SYNPR: variants seen among roughly 807,000 people sequenced by gnomAD.
SYNPR encodes the protein synaptoporin.
In SYNPR, 23 loss-of-function variants were observed where a neutral mutation model predicts 32.9. That is an observed-to-expected ratio of 0.70 (90% CI 0.50 to 0.99). The LOEUF (loss-of-function observed/expected upper bound fraction) is 0.99, where lower values mean the gene tolerates loss of function less well. Ranked by LOEUF, SYNPR falls within the 50% of genes least tolerant of loss-of-function variation. The probability of loss-of-function intolerance (pLI) is 0.00; values close to 1 mark genes in which losing one functional copy is unlikely to be tolerated. For missense variants in SYNPR, 318 were observed against 349.3 expected (o/e 0.91, Z 0.71); for synonymous variants, 146 against 135.9 (o/e 1.07, Z -0.52).
the SYNPR span, among the ~76,000 whole-genome samples, chr3:63,221,282 G>A: frequency 2.3e-3 from 343 of 152,216 alleles, 6 homozygotes; most frequent in African/African-American, 7.7e-3. Context: ...CCTAGGGAAA[G>A]AATATATAAA....
chr3:63,560,128 G>A (rs1282243212), intron 4 of SYNPR, among the ~76,000 whole-genome samples: 4 of 152,250 alleles, frequency 2.6e-5, no homozygotes, highest in East Asian at 1.9e-4. Context: ...TCATTATGTC[G>A]TGGGAGGAAG....
rs191012525 is a variant in SYNPR, at chr3:63,364,732, G to A, written c.84+85990G>A. ...GACTTCTAGAAGTGGTTTGTATTTA[G>A]GAGTGGATCTGAGTCATCTGAGAAG... On this transcript the variant is annotated intron_variant, in intron 2 of 5. Coordinates refer to ENST00000478300, the MANE Select transcript of SYNPR (RefSeq NM_001130003.2). Among the ~76,000 whole-genome samples the A allele has an allele frequency of 5.3e-4, 80 of 152,288 alleles. 1 individual carries two copies. Among genetic ancestry groups the A allele is most frequent in the African/African-American group, 1.7e-3 (72 of 41,566 alleles).
chr3:63,353,389 G>A (rs910882381), intron 2 of SYNPR, among the ~76,000 whole-genome samples: 1 of 152,200 alleles, frequency 6.6e-6, no homozygotes, highest in Non-Finnish European at 1.5e-5. Flanking sequence ...AAGCTGCCTA[G>A]AATGAGTGAT....
chr3:63,464,194 T>C (rs57982566), intron 2 of SYNPR, among the ~76,000 whole-genome samples: 1,868 of 152,214 alleles, frequency 0.012, 36 homozygotes, highest in African/African-American at 0.042. Flanking sequence ...GCAAAGAACT[T>C]TTTCTCTAAT....
intron 2 of SYNPR, among the ~76,000 whole-genome samples, chr3:63,312,105 G>A (rs571019630): frequency 3.9e-5 from 6 of 151,904 alleles, no homozygotes; most frequent in Non-Finnish European, 5.9e-5. Flanking sequence ...AAATAAATCC[G>A]GCAATGAAAT....
chr3:63,439,963 G>C (rs1288477790), intron 2 of SYNPR, among the ~76,000 whole-genome samples: 1 of 152,126 alleles, frequency 6.6e-6, no homozygotes, highest in Non-Finnish European at 1.5e-5. Context: ...CCAAGGATAT[G>C]GTATTAAGCA....
intron 3 of SYNPR, among the ~76,000 whole-genome samples, chr3:63,483,884 T>C (rs1371098868): frequency 1.3e-5 from 2 of 152,236 alleles, no homozygotes; most frequent in Non-Finnish European, 2.9e-5. Flanking sequence ...AATGATTTGA[T>C]GATAATCTTA....
At chr3:63,229,751 C>A (rs1446338636) in intron 1 of SYNPR, among the ~76,000 whole-genome samples, 3 of 152,002 alleles carry the variant, frequency 2.0e-5, no homozygotes, top group Non-Finnish European at 2.9e-5. Context: ...AAATTAAATT[C>A]AAATTTACTC....
intron 2 of SYNPR, among the ~76,000 whole-genome samples, chr3:63,434,232 T>A (rs919016800): frequency 1.3e-5 from 2 of 152,212 alleles, no homozygotes; most frequent in Admixed American, 6.5e-5. Flanking sequence ...ACTCAATTTG[T>A]TGAAAAGGAA....
chr3:63,506,115 T>C (rs1365109808), intron 3 of SYNPR, among the ~76,000 whole-genome samples: 1 of 152,048 alleles, frequency 6.6e-6, no homozygotes, highest in South Asian at 2.1e-4. Context: ...CCTTGCTTTT[T>C]TCCTTCTCTC....
At chr3:63,204,652 C>T in the SYNPR span, among the ~76,000 whole-genome samples, 62,661 of 151,910 alleles carry the variant, frequency 0.41, 14,220 homozygotes, top group Admixed American at 0.52. Context: ...ACCACAGCCT[C>T]ACCTAAGATC....
At chr3:63,257,145 C>T (rs1453020488) in intron 2 of SYNPR, among the ~76,000 whole-genome samples, 1 of 152,174 alleles carries the variant, frequency 6.6e-6, no homozygotes, top group African/African-American at 2.4e-5. Flanking sequence ...AAACACTCTG[C>T]AGGATATTAT....
At chr3:63,356,535 G>A (rs1377031412) in intron 2 of SYNPR, among the ~76,000 whole-genome samples, 5 of 152,196 alleles carry the variant, frequency 3.3e-5, no homozygotes, top group Non-Finnish European at 7.3e-5. Context: ...TAAACAATTT[G>A]CTCAAGGTCA....
At chr3:63,321,705 G>A (rs887850707) in intron 2 of SYNPR, among the ~76,000 whole-genome samples, 2 of 152,042 alleles carry the variant, frequency 1.3e-5, no homozygotes, top group African/African-American at 4.8e-5. Flanking sequence ...CTCCTTTAGG[G>A]AGTAAAGTCT....
At chr3:63,395,333 T>C (rs2088197479) in intron 2 of SYNPR, among the ~76,000 whole-genome samples, 1 of 152,238 alleles carries the variant, frequency 6.6e-6, no homozygotes, top group Non-Finnish European at 1.5e-5. Flanking sequence ...TGACTCTTTA[T>C]GTGAATTTAT....
rs541185203 is a variant in SYNPR, at chr3:63,294,791, A to G, written c.84+16049A>G. Among the ~76,000 whole-genome samples the G allele has an allele frequency of 2.2e-3, 329 of 152,320 alleles. 2 individuals carry two copies. The highest frequency in any genetic ancestry group is 7.4e-3 in the African/African-American group (307 of 41,576). On this transcript the variant is annotated intron_variant, in intron 2 of 5. Transcript: ENST00000478300. ...TCTTATTTATATTATTTATTAATGT[A>G]TCCTAAGAAACATTATTATTTTACT...
chr3:63,488,246 T>G (rs1701193348), intron 3 of SYNPR, among the ~76,000 whole-genome samples: 1 of 152,254 alleles, frequency 6.6e-6, no homozygotes, highest in African/African-American at 2.4e-5. Flanking sequence ...TACATTTAAG[T>G]ATTCATTTAT....
At chr3:63,509,410 T>C (rs1701653860) in intron 3 of SYNPR, among the ~76,000 whole-genome samples, 1 of 151,794 alleles carries the variant, frequency 6.6e-6, no homozygotes, top group Non-Finnish European at 1.5e-5. Context: ...ATCTCATATC[T>C]AAAAATAAAT....
chr3:63,374,102 C>A (rs561991613), intron 2 of SYNPR, among the ~76,000 whole-genome samples: 2 of 152,216 alleles, frequency 1.3e-5, no homozygotes, highest in East Asian at 3.9e-4. Context: ...AAGGAAAGGC[C>A]AATACCAGCC....
Sources: gnomAD v4.1 joint callset for allele counts (sites outside exome capture counted in the v4.1 genomes callset) on GRCh38, gnomAD v4.1.1 for gene constraint, MANE v1.5 for transcripts, NCBI Gene and HGNC (gene_info 2026-07-23, HGNC 2026-07-21) for gene names.